Variants in ENKUR observed in about 807,000 individuals in gnomAD.
ENKUR encodes enkurin, TRPC channel interacting protein.
In ENKUR, 19 loss-of-function variants were observed where a neutral mutation model predicts 27.6. The observed-to-expected ratio is 0.69, with a 90% CI of 0.48 to 1.01. The LOEUF is 1.01. Among genes scored for constraint, ENKUR ranks in the 50% least tolerant of loss-of-function variants. The probability of loss-of-function intolerance (pLI) is 0.00; values close to 1 mark genes in which losing one functional copy is unlikely to be tolerated. For synonymous variants in ENKUR, 117 were observed against 96.9 expected (o/e 1.21, Z -1.22); for missense variants, 312 against 310.5 (o/e 1.00, Z -0.04).
intron 4 of ENKUR, among the ~76,000 whole-genome samples, chr10:24,988,527 C>A (rs114907279): frequency 1.4e-5 from 2 of 146,854 alleles, no homozygotes; most frequent in South Asian, 4.2e-4. Context: ...AGAGGAACTA[C>A]GGATCTATGT....
chr10:25,060,110 G>A (rs1224938032), intron 2 of ENKUR, among the ~76,000 whole-genome samples: 1 of 152,186 alleles, frequency 6.6e-6, no homozygotes, highest in Non-Finnish European at 1.5e-5. Context: ...TGCTTAGGAA[G>A]CCTGTGAAGC....
chr10:24,995,775 T>G lies in ENKUR; in HGVS notation c.318A>C (p.Ile106=). The G allele has an allele frequency of 1.2e-6, 2 of 1,614,090 alleles. No individual in the cohort carries two copies. The highest frequency in any genetic ancestry group is 1.7e-6 in the Non-Finnish European group (2 of 1,180,002). ...VMGIQSGKNF[I]NTNAADIIMG... ...TGATGATATCAGCTGCATTTGTATT[T>G]ATAAAATTTTTTCCACTCTGTATTC... The change falls in exon 3 of 6, where the codon ATA becomes ATC. Residue 106 remains isoleucine, a synonymous_variant. Transcript: ENST00000331161.
At chr10:25,010,515 A>G (rs1850417199) in intron 1 of ENKUR, among the ~76,000 whole-genome samples, 1 of 151,800 alleles carries the variant, frequency 6.6e-6, no homozygotes, top group South Asian at 2.1e-4. Context: ...ACATATGTAT[A>G]CATGTGCCAT....
intron 2 of ENKUR, among the ~76,000 whole-genome samples, chr10:25,022,292 C>A (rs1029243741): frequency 6.6e-6 from 1 of 152,150 alleles, no homozygotes; most frequent in Non-Finnish European, 1.5e-5. Flanking sequence ...TGTCTCTCAT[C>A]ATTGGAAACA....
intron 1 of ENKUR, among the ~76,000 whole-genome samples, chr10:25,011,279 T>C (rs968291786): frequency 7.2e-5 from 11 of 152,168 alleles, no homozygotes; most frequent in Non-Finnish European, 1.6e-4. Flanking sequence ...TTTGCCCACT[T>C]TTTGATGGGG....
At chr10:25,059,131 T>TC (rs1851297815) in intron 2 of ENKUR, among the ~76,000 whole-genome samples, 2 of 141,004 alleles carry the variant, frequency 1.4e-5, no homozygotes, top group South Asian at 4.2e-4. Flanking sequence ...TCTTTTTCTT[T>TC]CTTTTTTTTT....
chr10:25,029,281 C>T, intron 2 of ENKUR, among the ~76,000 whole-genome samples: 1 of 151,996 alleles, frequency 6.6e-6, no homozygotes, highest in East Asian at 1.9e-4. Flanking sequence ...GTTATAATTT[C>T]TAGCTTTCAC....
upstream of ENKUR, among the ~76,000 whole-genome samples, chr10:25,019,053 T>A (rs1564347273): frequency 6.6e-6 from 1 of 152,210 alleles, no homozygotes; most frequent in Non-Finnish European, 1.5e-5. Flanking sequence ...GAGAGAATTT[T>A]TGGTCAGAAG....
rs762735708 is a variant in ENKUR, at chr10:24,999,977, C to CT, written c.78-432dup. On this transcript the variant is annotated intron_variant, in intron 1 of 5. Coordinates refer to ENST00000331161, the MANE Select transcript of ENKUR (RefSeq NM_145010.4). ...CCATTTCAATGATATCTGTGCTTAT[C>CT]TTTATTATTTCTTCTTACTTTGGTT... is the stretch of plus-strand genomic sequence containing the variant. Among the ~76,000 whole-genome samples the CT allele has an allele frequency of 1.8e-4, 27 of 152,038 alleles. 1 individual carries two copies. Among genetic ancestry groups the CT allele is most frequent in the Non-Finnish European group, 2.6e-4 (18 of 67,966 alleles).
upstream of ENKUR, among the ~76,000 whole-genome samples, chr10:25,020,524 T>C (rs1415341669): frequency 6.6e-6 from 1 of 152,048 alleles, no homozygotes; most frequent in Admixed American, 6.5e-5. Flanking sequence ...CCCAGCACTT[T>C]GGGAGGCCAA....
At chr10:25,044,678 T>G (rs771844675) in intron 2 of ENKUR, among the ~76,000 whole-genome samples, 2 of 152,270 alleles carry the variant, frequency 1.3e-5, no homozygotes, top group African/African-American at 2.4e-5. Context: ...ATTACAGGCA[T>G]GAGCCACCAT....
chr10:25,061,074 A>G, intron 2 of ENKUR: 2 of 1,534,118 alleles, frequency 1.3e-6, no homozygotes, highest in Non-Finnish European at 1.7e-6. Context: ...CTGGCTGCCC[A>G]GATGCAAAAC....
intron 2 of ENKUR, among the ~76,000 whole-genome samples, chr10:25,059,538 C>T (rs575759391): frequency 6.6e-6 from 1 of 152,290 alleles, no homozygotes; most frequent in South Asian, 2.1e-4. Context: ...CTTTCAACAC[C>T]TCCATGAGGG....
intron 2 of ENKUR, among the ~76,000 whole-genome samples, chr10:24,996,456 G>GTGTATATATATA (rs757314440): frequency 2.7e-5 from 4 of 149,712 alleles, no homozygotes; most frequent in African/African-American, 9.9e-5. Flanking sequence ...GTGTGTGTGT[G>GTGTATATATATA]TATATATATA....
intron 2 of ENKUR, among the ~76,000 whole-genome samples, chr10:25,054,549 TTTC>T (rs1851230867): frequency 7.0e-6 from 1 of 141,964 alleles, no homozygotes; most frequent in Admixed American, 7.0e-5. Flanking sequence ...CTTTCTTTCC[TTTC>T]TTTCTTTCTT....
intron 1 of ENKUR, among the ~76,000 whole-genome samples, chr10:25,002,786 T>C (rs1452710295): frequency 1.3e-5 from 2 of 152,190 alleles, no homozygotes; most frequent in Non-Finnish European, 2.9e-5. Context: ...TGGGAATCAA[T>C]TATAGTCCAA....
intron 2 of ENKUR, chr10:25,023,872 C>T (rs377444195): frequency 1.9e-5 from 31 of 1,613,998 alleles, no homozygotes; most frequent in Middle Eastern, 3.3e-4. Flanking sequence ...TGACAAAGTG[C>T]TGAATGCAAT....
At chr10:25,025,115 C>T (rs1850821022) in intron 2 of ENKUR, 2 of 1,614,084 alleles carry the variant, frequency 1.2e-6, no homozygotes, top group Non-Finnish European at 1.7e-6. Context: ...ATTAACTCCA[C>T]CTATAATACT....
At chr10:24,995,529 C>G (rs1850027126) in intron 3 of ENKUR, 117 bp downstream of exon 3, 4 of 932,586 alleles carry the variant, frequency 4.3e-6, no homozygotes, top group Non-Finnish European at 6.3e-6. Flanking sequence ...TGAGAATCAG[C>G]AAAGTAGACA....
Sources: allele counts gnomAD v4.1 joint callset (sites outside exome capture counted in the v4.1 genomes callset), GRCh38; gene constraint gnomAD v4.1.1; transcripts MANE v1.5; gene names NCBI Gene and HGNC (gene_info 2026-07-23, HGNC 2026-07-21).